The following SLC10A7 variants were observed in gnomAD, a reference collection of about 807,000 sequenced individuals.
SLC10A7 encodes the protein solute carrier family 10 member 7.
A neutral mutation model predicts 43.2 loss-of-function variants in SLC10A7; 29 were observed. The ratio of observed to expected loss-of-function variants is 0.67; its 90% CI spans 0.50 to 0.92. SLC10A7 has a LOEUF of 0.92. SLC10A7 is among the 40% of genes least tolerant of loss of function. The pLI, the probability that SLC10A7 is intolerant of heterozygous loss-of-function variation, is 0.00. For synonymous variants in SLC10A7, 152 were observed against 144.8 expected (o/e 1.05, Z -0.35); for missense variants, 295 against 403.2 (o/e 0.73, Z 2.30).
chr4:146,490,803 G>T (rs1393273006), intron 4 of SLC10A7, among the ~76,000 whole-genome samples: 1 of 152,120 alleles, frequency 6.6e-6, no homozygotes, highest in Non-Finnish European at 1.5e-5. Flanking sequence ...ATACATGAAA[G>T]AATCCTGGAA....
chr4:146,333,474 G>A (rs572668083), intron 5 of SLC10A7, among the ~76,000 whole-genome samples: 1 of 152,222 alleles, frequency 6.6e-6, no homozygotes, highest in South Asian at 2.1e-4. Flanking sequence ...GTGCTTAATA[G>A]GGAGGTGAAA....
At chr4:146,378,086 G>A (rs1737336456) in intron 5 of SLC10A7, among the ~76,000 whole-genome samples, 1 of 152,176 alleles carries the variant, frequency 6.6e-6, no homozygotes, top group Non-Finnish European at 1.5e-5. Context: ...GAAAGAGTAT[G>A]CGTTTTAGGT....
At chr4:146,499,467 ATCT>A (rs1736205814) in intron 4 of SLC10A7, among the ~76,000 whole-genome samples, 1 of 152,180 alleles carries the variant, frequency 6.6e-6, no homozygotes, top group Non-Finnish European at 1.5e-5. Flanking sequence ...CATAAGATTA[ATCT>A]TCTTTCACAT....
chr4:146,352,482 C>T (rs1370403339), intron 5 of SLC10A7, among the ~76,000 whole-genome samples: 1 of 146,734 alleles, frequency 6.8e-6, no homozygotes, highest in Non-Finnish European at 1.5e-5. Context: ...ATCAACGAGA[C>T]AGAAAGTCAA....
At chr4:146,428,951 G>C (rs1729573256) in intron 5 of SLC10A7, among the ~76,000 whole-genome samples, 1 of 151,928 alleles carries the variant, frequency 6.6e-6, no homozygotes, top group African/African-American at 2.4e-5. Context: ...TTATTTCAAT[G>C]AAAATAGCAT....
intron 7 of SLC10A7, 30 bp from the exon 8 acceptor site, chr4:146,294,125 T>C: frequency 6.6e-7 from 1 of 1,512,468 alleles, no homozygotes; most frequent in Non-Finnish European, 9.0e-7. Context: ...AGGTTGCCTC[T>C]TTTCAGAGAT....
intron 7 of SLC10A7, among the ~76,000 whole-genome samples, chr4:146,301,956 A>G (rs1454329186): frequency 6.6e-6 from 1 of 152,206 alleles, no homozygotes; most frequent in African/African-American, 2.4e-5. Flanking sequence ...TAATTTACTG[A>G]ATACTTTACT....
intron 4 of SLC10A7, among the ~76,000 whole-genome samples, chr4:146,452,198 A>C (rs1731661957): frequency 6.6e-6 from 1 of 152,106 alleles, no homozygotes; most frequent in Non-Finnish European, 1.5e-5. Context: ...TCTTGTTCCT[A>C]TTGCATATGA....
chr4:146,512,043 G>C (rs918561607), intron 2 of SLC10A7, among the ~76,000 whole-genome samples: 1 of 129,368 alleles, frequency 7.7e-6, no homozygotes, highest in African/African-American at 3.0e-5. Context: ...GTGCGATCTC[G>C]GCTCACTGCA....
intron 5 of SLC10A7, among the ~76,000 whole-genome samples, chr4:146,425,615 C>A (rs1579154802): frequency 6.6e-6 from 1 of 152,188 alleles, no homozygotes; most frequent in African/African-American, 2.4e-5. Context: ...AAAAGAAATA[C>A]CTTTACGGTA....
intron 4 of SLC10A7, among the ~76,000 whole-genome samples, chr4:146,492,992 TGAC>T (rs1735589332): frequency 1.3e-5 from 2 of 152,176 alleles, no homozygotes; most frequent in African/African-American, 4.8e-5. Flanking sequence ...TTTAATTTGT[TGAC>T]ATTTTCATAA....
At chr4:146,349,188 A>C (rs1437451469) in intron 5 of SLC10A7, among the ~76,000 whole-genome samples, 2 of 152,226 alleles carry the variant, frequency 1.3e-5, no homozygotes, top group Non-Finnish European at 2.9e-5. Context: ...ACTACTTGTT[A>C]CTACTATAGT....
At chr4:146,326,926 A>AGT (rs751137352) in intron 5 of SLC10A7, among the ~76,000 whole-genome samples, 15,584 of 98,696 alleles carry the variant, frequency 0.16, 964 homozygotes, top group African/African-American at 0.25. Flanking sequence ...AGACACACAC[A>AGT]CACACACACA....
At chr4:146,383,350 G>T (rs1311417701) in intron 5 of SLC10A7, among the ~76,000 whole-genome samples, 1 of 152,128 alleles carries the variant, frequency 6.6e-6, no homozygotes, top group Non-Finnish European at 1.5e-5. Context: ...GAAAACCGCG[G>T]CTTTCTAAGG....
intron 5 of SLC10A7, among the ~76,000 whole-genome samples, chr4:146,394,418 G>A (rs1449273785): frequency 6.6e-6 from 1 of 152,058 alleles, no homozygotes; most frequent in East Asian, 1.9e-4. Context: ...GTAGTGCAGT[G>A]GCGCAATCTT....
At chr4:146,521,059 G>A (rs529184089) in intron 1 of SLC10A7, among the ~76,000 whole-genome samples, 1 of 152,250 alleles carries the variant, frequency 6.6e-6, no homozygotes, top group Admixed American at 6.5e-5. Flanking sequence ...ATGCTGTAAT[G>A]AAGTGTCCTG....
chr4:146,471,607 A>T (rs1733579217), intron 4 of SLC10A7, among the ~76,000 whole-genome samples: 1 of 152,184 alleles, frequency 6.6e-6, no homozygotes, highest in African/African-American at 2.4e-5. Context: ...GAATGATCTC[A>T]TAACTGAAAA....
intron 6 of SLC10A7, among the ~76,000 whole-genome samples, chr4:146,311,903 G>T (rs1031269975): frequency 6.6e-6 from 1 of 152,098 alleles, no homozygotes; most frequent in African/African-American, 2.4e-5. Context: ...ACACGATATA[G>T]TTCAGCTTTT....
chr4:146,442,294 C>A (rs1030036188), intron 5 of SLC10A7: 1 of 984,938 alleles, frequency 1.0e-6, no homozygotes, highest in Non-Finnish European at 1.2e-6. Context: ...TTAGTCATAT[C>A]TTCCTTTCAA....
Sources: gnomAD v4.1 joint callset for allele counts (sites outside exome capture counted in the v4.1 genomes callset) on GRCh38, gnomAD v4.1.1 for gene constraint, MANE v1.5 for transcripts, NCBI Gene and HGNC (gene_info 2026-07-23, HGNC 2026-07-21) for gene names.